SAMD3: variants seen among roughly 807,000 people sequenced by gnomAD.
The protein encoded by SAMD3 is sterile alpha motif domain-containing protein 3.
Under a neutral mutation model 58.5 loss-of-function variants are expected in SAMD3, and 63 were observed. That is an observed-to-expected ratio of 1.08 (90% CI 0.88 to 1.33). The LOEUF is 1.33. Ranked by LOEUF, SAMD3 falls within the 40% of genes most tolerant of loss-of-function variation. The probability of loss-of-function intolerance (pLI) is 0.00; values close to 1 mark genes in which losing one functional copy is unlikely to be tolerated. For missense variants in SAMD3, 604 were observed against 608.4 expected (o/e 0.99, Z 0.08); for synonymous variants, 220 against 210.3 (o/e 1.05, Z -0.40).
At chr6:130,365,092 A>G (rs1778098962) in intron 1 of SAMD3, 1 of 797,388 alleles carries the variant, frequency 1.3e-6, no homozygotes, top group African/African-American at 1.9e-5. Flanking sequence ...AATATCCGGT[A>G]ATTAGTTTTA....
intron 9 of SAMD3, among the ~76,000 whole-genome samples, chr6:130,149,146 C>G (rs1788905824): frequency 6.6e-6 from 1 of 152,208 alleles, no homozygotes; most frequent in South Asian, 2.1e-4. Flanking sequence ...TAACTCTCTT[C>G]AACAGTGAGA....
intron 2 of SAMD3, among the ~76,000 whole-genome samples, chr6:130,264,832 A>C (rs1042431781): frequency 6.6e-6 from 1 of 152,030 alleles, no homozygotes; most frequent in African/African-American, 2.4e-5. Flanking sequence ...GACCTGACAA[A>C]ACCCTTTATA....
At chr6:130,301,416 T>C (rs1210918009) in intron 2 of SAMD3, among the ~76,000 whole-genome samples, 1 of 152,130 alleles carries the variant, frequency 6.6e-6, no homozygotes, top group Non-Finnish European at 1.5e-5. Flanking sequence ...ATAACACTGA[T>C]GAGTGAGATC....
chr6:130,306,452 T>TA (rs1775913178), intron 2 of SAMD3, among the ~76,000 whole-genome samples: 1 of 152,226 alleles, frequency 6.6e-6, no homozygotes, highest in Admixed American at 6.5e-5. Context: ...GAGGCTGCTG[T>TA]AGCTGGAAGG....
chr6:130,327,281 G>C (rs1486675839), intron 1 of SAMD3, among the ~76,000 whole-genome samples: 1 of 151,942 alleles, frequency 6.6e-6, no homozygotes, highest in Non-Finnish European at 1.5e-5. Context: ...AAAATCAGAG[G>C]CTAAAGAAGT....
At chr6:130,258,700 T>C (rs1774009610) in intron 2 of SAMD3, among the ~76,000 whole-genome samples, 1 of 152,206 alleles carries the variant, frequency 6.6e-6, no homozygotes, top group South Asian at 2.1e-4. Flanking sequence ...ATCTACTTTC[T>C]TTCACTGTAG....
intron 1 of SAMD3, among the ~76,000 whole-genome samples, chr6:130,317,121 C>A (rs1776403389): frequency 6.6e-6 from 1 of 152,130 alleles, no homozygotes; most frequent in Admixed American, 6.5e-5. Flanking sequence ...CAGCTATTTG[C>A]CTTACTGTTC....
chr6:130,342,589 A>G (rs897196915), intron 1 of SAMD3, among the ~76,000 whole-genome samples: 1 of 152,190 alleles, frequency 6.6e-6, no homozygotes, highest in Non-Finnish European at 1.5e-5. Context: ...AAAATACCAT[A>G]TCAGCTAGAC....
intron 7 of SAMD3, among the ~76,000 whole-genome samples, chr6:130,177,023 A>G (rs1315248375): frequency 6.6e-6 from 1 of 152,198 alleles, no homozygotes; most frequent in African/African-American, 2.4e-5. Flanking sequence ...GACAGGCTGT[A>G]TTAGAATCTC....
At chr6:130,225,281 G>A (rs973859277), upstream of SAMD3, among the ~76,000 whole-genome samples, 1 of 152,196 alleles carries the variant, frequency 6.6e-6, no homozygotes, top group African/African-American at 2.4e-5. Context: ...CCAGGAAATG[G>A]GAGCTCAGTC....
chr6:130,179,843 C>T (rs1322614899), intron 7 of SAMD3, among the ~76,000 whole-genome samples: 4 of 119,222 alleles, frequency 3.4e-5, no homozygotes, highest in East Asian at 2.6e-4. Context: ...GATGAAGTCT[C>T]GCTCTTGTCC....
intron 1 of SAMD3, among the ~76,000 whole-genome samples, chr6:130,335,369 C>T (rs1197881461): frequency 3.3e-5 from 5 of 152,206 alleles, no homozygotes; most frequent in Admixed American, 6.5e-5. Flanking sequence ...TGAGTTGCCA[C>T]TCAGGAGACA....
intron 2 of SAMD3, among the ~76,000 whole-genome samples, chr6:130,294,909 ATTTTTTTTTTTTTTTTT>A (rs774036634): frequency 0.039 from 2,194 of 56,270 alleles, 66 homozygotes; most frequent in Non-Finnish European, 0.055. Flanking sequence ...CATTTCTCTG[ATTTTTTTTTTTTTTTTT>A]TTTTTTTTTT....
intron 9 of SAMD3, among the ~76,000 whole-genome samples, chr6:130,153,210 T>C (rs1359546854): frequency 6.6e-6 from 1 of 152,210 alleles, no homozygotes; most frequent in African/African-American, 2.4e-5. Context: ...TTTGCAGATG[T>C]GTCCATTTGG....
At position 130,178,186 on chromosome 6, in the gene SAMD3, G is replaced by T. The variant is rs192558950; in HGVS notation, c.655-2178C>A. On this transcript the variant is annotated intron_variant, in intron 7 of 11. Transcript: ENST00000439090. ...AGACGAGGTTTCTCCATGTTAGTCA[G>T]GCTGGACTCAAACTCCCAACCTCAG... is the stretch of plus-strand genomic sequence containing the variant. 4.4e-4 allele frequency among the ~76,000 whole-genome samples: 66 copies of T among 151,106 alleles called. 1 individual carries two copies. The East Asian group carries it at 0.012, about 28-fold the overall frequency.
intron 2 of SAMD3, among the ~76,000 whole-genome samples, chr6:130,305,382 A>G (rs1775882300): frequency 6.6e-6 from 1 of 152,118 alleles, no homozygotes; most frequent in South Asian, 2.1e-4. Context: ...TTTGTTCTCA[A>G]TTTTAAATAC....
chr6:130,235,174 G>T (rs1189458075), intron 2 of SAMD3, among the ~76,000 whole-genome samples: 1 of 152,160 alleles, frequency 6.6e-6, no homozygotes, highest in African/African-American at 2.4e-5. Flanking sequence ...TTTATATTTT[G>T]ACTTTATTAA....
At chr6:130,156,551 AAAG>A (rs1789800878) in intron 8 of SAMD3, among the ~76,000 whole-genome samples, 1 of 152,226 alleles carries the variant, frequency 6.6e-6, no homozygotes, top group Admixed American at 6.5e-5. Flanking sequence ...TAGCAAATTA[AAAG>A]AAAACATGAT....
intron 8 of SAMD3, among the ~76,000 whole-genome samples, chr6:130,163,506 AC>A (rs1326415382): frequency 1.3e-5 from 2 of 152,176 alleles, no homozygotes; most frequent in African/African-American, 2.4e-5. Context: ...GCAGAGTTTC[AC>A]CCATGCAACC....
Sources: gnomAD v4.1 joint callset for allele counts (sites outside exome capture counted in the v4.1 genomes callset) on GRCh38, gnomAD v4.1.1 for gene constraint, MANE v1.5 for transcripts, NCBI Gene and HGNC (gene_info 2026-07-23, HGNC 2026-07-21) for gene names.